The following ESRRG variants were observed in gnomAD, a reference collection of about 807,000 sequenced individuals.
ESRRG encodes estrogen-related receptor gamma.
Under a neutral mutation model 44.0 loss-of-function variants are expected in ESRRG, and 13 were observed. That is an observed-to-expected ratio of 0.30 (90% CI 0.19 to 0.47). The LOEUF is 0.47. Ranked by LOEUF, ESRRG falls within the 20% of genes least tolerant of loss-of-function variation. The pLI, the probability that ESRRG is intolerant of heterozygous loss-of-function variation, is 1.00. For synonymous variants in ESRRG, 215 were observed against 214.6 expected (o/e 1.00, Z -0.02); for missense variants, 395 against 580.6 (o/e 0.68, Z 3.29).
intron 1 of ESRRG, among the ~76,000 whole-genome samples, chr1:217,084,134 A>AC (rs2091935496): frequency 2.6e-5 from 1 of 38,560 alleles, no homozygotes; most frequent in South Asian, 1.4e-3. Context: ...AGAATGGATT[A>AC]AAAAAAAAAA....
At chr1:216,680,289 C>T (rs2076813459) in intron 1 of ESRRG, among the ~76,000 whole-genome samples, 1 of 152,184 alleles carries the variant, frequency 6.6e-6, no homozygotes, top group African/African-American at 2.4e-5. Context: ...AGGTATTTCT[C>T]TTTAGGAAAC....
chr1:216,776,876 G>A (rs2152417662), intron 2 of ESRRG, among the ~76,000 whole-genome samples: 1 of 152,268 alleles, frequency 6.6e-6, no homozygotes, highest in African/African-American at 2.4e-5. Context: ...GACAGGGACA[G>A]AAGAGCCACA....
At chr1:217,029,512 TA>T (rs1395103544) in intron 1 of ESRRG, among the ~76,000 whole-genome samples, 1 of 152,194 alleles carries the variant, frequency 6.6e-6, no homozygotes, top group East Asian at 1.9e-4. Context: ...CCAGTTGTCA[TA>T]AAGTTAATTT....
upstream of ESRRG, chr1:217,090,611 G>C (rs2092326894): frequency 6.6e-6 from 1 of 152,088 alleles, no homozygotes; most frequent in African/African-American, 2.4e-5. Flanking sequence ...TTTTAAAAAT[G>C]GGGAGGGGTC....
rs1553259204 is a variant in ESRRG, at chr1:217,051,205, G to GGA, written c.-106+38301_-106+38302insTC. On this transcript the variant is annotated intron_variant, in intron 1 of 7. Transcript: ENST00000359162. ...AGCAGAAGGAGTGGATAATGGGGGCGGGGGGGGGGGGTGCCAGGGGAATTG... is the reference window on the plus strand; with the variant it reads ...AGCAGAAGGAGTGGATAATGGGGGCGGAGGGGGGGGGGGTGCCAGGGGAATTG... Among the ~76,000 whole-genome samples the GGA allele has an allele frequency of 3.8e-4, 17 of 44,918 alleles. No homozygotes were observed. In the South Asian group the frequency reaches 0.023, roughly 60 times the overall value. The allele number at this position is 44,918 out of a possible 152,430, so 29.5% of individuals were successfully genotyped here. A position where few individuals can be genotyped will look rare whatever the true frequency, so the allele number is the denominator to read the frequency against.
chr1:216,859,967 G>A (rs1230238627), intron 2 of ESRRG, among the ~76,000 whole-genome samples: 1 of 152,090 alleles, frequency 6.6e-6, no homozygotes, highest in Admixed American at 6.6e-5. Flanking sequence ...CCAGATGTTA[G>A]AAACAGCAGA....
intron 1 of ESRRG, among the ~76,000 whole-genome samples, chr1:217,114,339 TCCTTACA>T (rs1336813432): frequency 1.3e-5 from 2 of 151,938 alleles, no homozygotes; most frequent in South Asian, 2.1e-4. Flanking sequence ...CACCTTACAT[TCCTTACA>T]CTACCTCTCA....
intron 1 of ESRRG, among the ~76,000 whole-genome samples, chr1:217,071,678 C>A (rs887734470): frequency 6.6e-6 from 1 of 152,148 alleles, no homozygotes; most frequent in African/African-American, 2.4e-5. Context: ...AGCTTGGAGA[C>A]AAAAACCTCC....
At chr1:216,613,120 T>C (rs1033476212) in intron 3 of ESRRG, among the ~76,000 whole-genome samples, 4 of 152,206 alleles carry the variant, frequency 2.6e-5, no homozygotes, top group Non-Finnish European at 5.9e-5. Context: ...TTTTTGGAAA[T>C]TTCTGGGTTA....
chr1:216,706,573 CT>C (rs1228614066), intron 1 of ESRRG, among the ~76,000 whole-genome samples: 105 of 152,160 alleles, frequency 6.9e-4, no homozygotes, highest in Non-Finnish European at 8.7e-4. Flanking sequence ...TTGCATATCA[CT>C]TGCAATTGGA....
rs143542282 is a variant in ESRRG, at chr1:216,593,849, G to A, written c.590-25751C>T. Among the ~76,000 whole-genome samples the A allele has an allele frequency of 9.9e-3, 1,505 of 152,184 alleles. 10 individuals carry two copies. Among genetic ancestry groups the A allele is most frequent in the Non-Finnish European group, 0.016 (1,108 of 68,018 alleles). The stretch of plus-strand genomic sequence containing the variant: ...CTGCCTCCTGGTCTCACCCACCTCA[G>A]CCTCTCAAAAAGCTGGTACCACAAG... On this transcript the variant is annotated intron_variant, in intron 3 of 6. Transcript: ENST00000408911.
At chr1:217,121,954 C>T (rs1050265667) in intron 1 of ESRRG, among the ~76,000 whole-genome samples, 2 of 152,138 alleles carry the variant, frequency 1.3e-5, no homozygotes, top group Non-Finnish European at 2.9e-5. Flanking sequence ...ACCTCTGTGC[C>T]ATTTGCTTAA....
intron 2 of ESRRG, among the ~76,000 whole-genome samples, chr1:216,761,315 A>G (rs951239142): frequency 2.6e-5 from 4 of 152,108 alleles, no homozygotes; most frequent in Non-Finnish European, 4.4e-5. Flanking sequence ...CCTAATTTAA[A>G]CAATTAATAC....
At chr1:216,672,713 G>A (rs1315748770) in intron 2 of ESRRG, among the ~76,000 whole-genome samples, 1 of 151,966 alleles carries the variant, frequency 6.6e-6, no homozygotes, top group African/African-American at 2.4e-5. Context: ...ACAAAAGAGT[G>A]AAAAATTAGG....
chr1:217,075,036 AG>A (rs1404812407), intron 1 of ESRRG, among the ~76,000 whole-genome samples: 1 of 152,184 alleles, frequency 6.6e-6, no homozygotes, highest in Non-Finnish European at 1.5e-5. Flanking sequence ...AACATACTCA[AG>A]TCCTGCAATC....
chr1:217,119,447 C>A (rs1368887861), intron 1 of ESRRG, among the ~76,000 whole-genome samples: 1 of 152,206 alleles, frequency 6.6e-6, no homozygotes, highest in African/African-American at 2.4e-5. Flanking sequence ...CTCTCTACAT[C>A]TGCCCTAACG....
chr1:216,832,688 G>A (rs561812270), intron 2 of ESRRG, among the ~76,000 whole-genome samples: 1 of 152,268 alleles, frequency 6.6e-6, no homozygotes, highest in Admixed American at 6.5e-5. Flanking sequence ...TACTGGCTGG[G>A]TGCAGTGGCT....
chr1:216,988,402 T>A (rs927592811), intron 1 of ESRRG, among the ~76,000 whole-genome samples: 7 of 152,232 alleles, frequency 4.6e-5, no homozygotes, highest in Middle Eastern at 3.2e-3. Context: ...GTTTTCCTTA[T>A]TGTAATTTTC....
chr1:217,084,006 G>A (rs377420832), intron 1 of ESRRG, among the ~76,000 whole-genome samples: 21 of 152,054 alleles, frequency 1.4e-4, no homozygotes, highest in African/African-American at 4.6e-4. Context: ...AAATCACGTG[G>A]GATTGCTTGC....
Sources: gnomAD v4.1 joint callset for allele counts (sites outside exome capture counted in the v4.1 genomes callset) on GRCh38, gnomAD v4.1.1 for gene constraint, MANE v1.5 for transcripts, NCBI Gene and HGNC (gene_info 2026-07-23, HGNC 2026-07-21) for gene names.